Variants in TBC1D2 observed in about 807,000 individuals in gnomAD.
TBC1D2 encodes TBC1 domain family member 2A.
A neutral mutation model predicts 91.1 loss-of-function variants in TBC1D2; 58 were observed. The ratio of observed to expected loss-of-function variants is 0.64; its 90% CI spans 0.52 to 0.79. The LOEUF is 0.79. Ranked by LOEUF, TBC1D2 falls within the 30% of genes least tolerant of loss-of-function variation. The pLI, the probability that TBC1D2 is intolerant of heterozygous loss-of-function variation, is 0.00. For missense variants in TBC1D2, 1,080 were observed against 1,208.3 expected, an observed-to-expected ratio of 0.89 and a Z score of 1.57; for synonymous variants, 482 against 511.5, an observed-to-expected ratio of 0.94 and a Z score of 0.78.
intron 2 of TBC1D2, among the ~76,000 whole-genome samples, chr9:98,248,421 C>T (rs1205688409): frequency 1.3e-5 from 2 of 152,214 alleles, no homozygotes; most frequent in East Asian, 1.9e-4. Context: ...TCTCCTTTTA[C>T]GTGAGCTCTG....
At chr9:98,211,336 G>C (rs960723150) in intron 7 of TBC1D2, among the ~76,000 whole-genome samples, 1 of 152,098 alleles carries the variant, frequency 6.6e-6, no homozygotes, top group Non-Finnish European at 1.5e-5. Context: ...CCAGGGGATG[G>C]ACACTGCCCT....
chr9:98,232,342 G>GTTTTTTTTTTTTTTTTTTTTTTTTT (rs753455224), intron 4 of TBC1D2, among the ~76,000 whole-genome samples: 13 of 86,764 alleles, frequency 1.5e-4, no homozygotes, highest in African/African-American at 2.3e-4. Flanking sequence ...CTCTTTTTCT[G>GTTTTTTTTTTTTTTTTTTTTTTTTT]TTTTTTTTTT....
At chr9:98,221,789 C>T (rs990455067) in intron 5 of TBC1D2, among the ~76,000 whole-genome samples, 2 of 152,144 alleles carry the variant, frequency 1.3e-5, no homozygotes, top group Non-Finnish European at 2.9e-5. Flanking sequence ...AGTGCAGTGG[C>T]ACAGACATGG....
chr9:98,244,747 T>C (rs1426930233), intron 2 of TBC1D2, among the ~76,000 whole-genome samples: 1 of 150,040 alleles, frequency 6.7e-6, no homozygotes, highest in Non-Finnish European at 1.5e-5. Flanking sequence ...CAGACAAAAC[T>C]TTATGTGCCA....
At position 98,220,947 on chromosome 9, in the gene TBC1D2, C is replaced by T. The variant is rs146890718; in HGVS notation, c.1260G>A (p.Lys420=). The change falls in exon 6 of 13, where the codon AAG becomes AAA. Residue 420 remains lysine, a synonymous_variant. Transcript: ENST00000465784. ...KNHAKQQVIC[K]LSEKVTQDFT... ...AGTCCTGGGTGACCTTCTCAGAGAG[C>T]TTGCAGATGACCTGCTGCTTGGCGT... 1,627 of 1,614,194 alleles carry T rather than the reference C, an allele frequency of 1.0e-3. 19 individuals carry two copies. In the African/African-American group the frequency reaches 0.019, roughly 19 times the overall value.
chr9:98,209,921 T>C (rs941952752), intron 8 of TBC1D2, among the ~76,000 whole-genome samples: 2 of 151,294 alleles, frequency 1.3e-5, no homozygotes, highest in Non-Finnish European at 3.0e-5. Flanking sequence ...TTCTACCTTC[T>C]GGGCTCAAGT....
chr9:98,250,475 C>T (rs1588068698), intron 2 of TBC1D2, among the ~76,000 whole-genome samples: 1 of 134,312 alleles, frequency 7.4e-6, no homozygotes, highest in Admixed American at 7.2e-5. Context: ...GCGAGAAAGG[C>T]CTGGGTCTGA....
chr9:98,207,715 G>A (rs1828691184), intron 9 of TBC1D2, among the ~76,000 whole-genome samples: 2 of 152,224 alleles, frequency 1.3e-5, no homozygotes, highest in Admixed American at 6.5e-5. Flanking sequence ...GACAGAGGCT[G>A]GTCTGCTGAG....
chr9:98,250,089 G>A (rs1829840490), intron 2 of TBC1D2, among the ~76,000 whole-genome samples: 2 of 152,262 alleles, frequency 1.3e-5, no homozygotes, highest in African/African-American at 4.8e-5. Flanking sequence ...GGCCCAGAGA[G>A]AATCCAGCTG....
chr9:98,204,770 G>A (rs1352606665), intron 9 of TBC1D2, among the ~76,000 whole-genome samples: 1 of 152,220 alleles, frequency 6.6e-6, no homozygotes, highest in Non-Finnish European at 1.5e-5. Flanking sequence ...GGTCTCCTGG[G>A]AAATAGGAAG....
rs564233524 is a variant in TBC1D2 at position 98,253,716 on chromosome 9, A to G, written c.369+1457T>C. ...AGCCTTGGGTGTGTCCCTCCTCCAG[A>G]TGCCTTTCTGGCTAGCCCCTTCCAC... is the stretch of plus-strand genomic sequence containing the variant. On this transcript the variant is annotated intron_variant, in intron 1 of 12. Transcript: ENST00000465784. 2.6e-5 allele frequency among the ~76,000 whole-genome samples: 4 copies of G among 152,114 alleles called. No homozygotes were observed. In the East Asian group the frequency reaches 7.7e-4, roughly 29 times the overall value.
At chr9:98,240,317 C>T (rs1454924864) in intron 3 of TBC1D2, among the ~76,000 whole-genome samples, 1 of 152,138 alleles carries the variant, frequency 6.6e-6, no homozygotes, top group Non-Finnish European at 1.5e-5. Context: ...TAGAACTCAG[C>T]ACTCCCAATA....
At position 98,200,388 on chromosome 9, in the gene TBC1D2, G is replaced by T; in HGVS notation, c.2458-14C>A. On this transcript the variant is annotated splice_polypyrimidine_tract_variant and intron_variant, in intron 11 of 12. Transcript: ENST00000465784. ...GCGAAACACCACCTGGGGGTAGAGT[G>T]GGGGCTCAGGTAGGGCATGGGGGGG... 4 of 1,589,540 alleles carry T rather than the reference G, an allele frequency of 2.5e-6. No homozygotes were observed. Among genetic ancestry groups the T allele is most frequent in the Non-Finnish European group, 2.6e-6 (3 of 1,167,674 alleles).
intron 5 of TBC1D2, among the ~76,000 whole-genome samples, chr9:98,222,617 G>A (rs539953648): frequency 1.6e-4 from 24 of 152,232 alleles, no homozygotes; most frequent in Non-Finnish European, 2.5e-4. Flanking sequence ...TCCCAAAGCA[G>A]GGATGTGAAT....
intron 9 of TBC1D2, 100 bp downstream of exon 9, chr9:98,208,568 C>G (rs77767335): frequency 5.6e-5 from 71 of 1,273,424 alleles, no homozygotes; most frequent in South Asian, 2.7e-4. Flanking sequence ...TGTGCGGCCC[C>G]TTAACAGGCC....
At position 98,203,305 on chromosome 9, in the gene TBC1D2, TG is replaced by T; in HGVS notation, c.2253del (p.Asn751LysfsTer3). On this transcript the variant is annotated frameshift_variant, in exon 10 of 13. Coordinates refer to ENST00000465784, the MANE Select transcript of TBC1D2 (RefSeq NM_001267571.2). LOFTEE classifies it high-confidence loss of function. ...CCACTTACCTGGGATGCCGTCAGCG[TG>T]TTGCAGTAGTAATCAGCGGGCATGA... ...ETIMPADYYC[N>X]TLTASQVDQR... 1 of 1,614,236 alleles carries T rather than the reference TG, an allele frequency of 6.2e-7. No homozygotes were observed.
At chr9:98,245,703 T>G (rs964472342) in intron 2 of TBC1D2, among the ~76,000 whole-genome samples, 1 of 152,232 alleles carries the variant, frequency 6.6e-6, no homozygotes, top group Non-Finnish European at 1.5e-5. Context: ...CTCATTGTAT[T>G]TTACTGTTTT....
intron 7 of TBC1D2, 132 bp from the exon 8 acceptor site, chr9:98,210,975 C>T (rs1050193161): frequency 1.4e-5 from 12 of 844,448 alleles, no homozygotes; most frequent in South Asian, 7.5e-5. Flanking sequence ...CCCAGACCTT[C>T]GTATAAGGGA....
chr9:98,201,457 C>T (rs779329583), intron 11 of TBC1D2, 22 bp downstream of exon 11: 87 of 1,607,346 alleles, frequency 5.4e-5, no homozygotes, highest in Non-Finnish European at 6.6e-5. Flanking sequence ...GGCCCCCTGC[C>T]CATCCCCTGG....
Sources: gnomAD v4.1 joint callset for allele counts (sites outside exome capture counted in the v4.1 genomes callset) on GRCh38, gnomAD v4.1.1 for gene constraint, MANE v1.5 for transcripts, NCBI Gene and HGNC (gene_info 2026-07-23, HGNC 2026-07-21) for gene names.